SLC35E4: variants seen among roughly 807,000 people sequenced by gnomAD.
The protein encoded by SLC35E4 is solute carrier family 35, member E4.
SLC35E4 carries 15 observed loss-of-function variants against 19.3 expected under a neutral mutation model. The observed-to-expected ratio is 0.78, with a 90% CI of 0.52 to 1.20. The LOEUF (loss-of-function observed/expected upper bound fraction) is 1.20, where lower values mean the gene tolerates loss of function less well. SLC35E4 is among the 50% of genes most tolerant of loss of function. The pLI, the probability that SLC35E4 is intolerant of heterozygous loss-of-function variation, is 0.00. For missense variants in SLC35E4, 406 were observed against 472.3 expected (o/e 0.86, Z 1.30); for synonymous variants, 219 against 219.9 (o/e 1.00, Z 0.04).
intron 2 of SLC35E4, among the ~76,000 whole-genome samples, chr22:30,653,355 A>G (rs560121451): frequency 6.8e-6 from 1 of 147,440 alleles, no homozygotes; most frequent in East Asian, 2.0e-4. Flanking sequence ...CACAACCCTC[A>G]TGTGCCCCCT....
At chr22:30,654,712 C>T (rs2088299095) in intron 2 of SLC35E4, 3 of 359,008 alleles carry the variant, frequency 8.4e-6, no homozygotes, top group South Asian at 2.3e-5. Context: ...GATGCCCCCG[C>T]AGTGTACGAC....
chr22:30,646,904 C>A lies in SLC35E4; in HGVS notation c.926C>A (p.Ala309Asp). The A allele has an allele frequency of 6.2e-7, 1 of 1,614,250 alleles. No individual in the cohort carries two copies. Among genetic ancestry groups the A allele is most frequent in the Non-Finnish European group, 8.5e-7 (1 of 1,180,050 alleles). ...CTGTTGTTTGGCAGCCGCCTCAGTG[C>A]CCTCAGCTACGTGGGCATCGCACTC... Reference protein sequence around the residue: ...SRLLFGSRLSALSYVGIALTL... With the variant: ...SRLLFGSRLSDLSYVGIALTL... The change falls in exon 2 of 2, where the codon GCC becomes GAC. Residue 309 changes from alanine to aspartate, a missense_variant. Physicochemically the swap from Ala to Asp is moderately radical, Grantham distance 126. Coordinates refer to ENST00000343605, the MANE Select transcript of SLC35E4 (RefSeq NM_001001479.4).
rs116962672 is a variant in SLC35E4 at position 30,641,006 on chromosome 22, A to C, written c.619+3937A>C. Among the ~76,000 whole-genome samples, 56 of 152,174 alleles carry C rather than the reference A, an allele frequency of 3.7e-4. No homozygotes were observed. The East Asian group carries it at 5.2e-3, about 14-fold the overall frequency. On this transcript the variant is annotated intron_variant, in intron 1 of 1. Coordinates refer to ENST00000343605, the MANE Select transcript of SLC35E4 (RefSeq NM_001001479.4). ...TCCCTGGCTCCAAGGCAGGGTCAAA[A>C]CCCAGTTCTATTTTTTGCCCTCAGG... is the stretch of plus-strand genomic sequence containing the variant.
downstream of SLC35E4, chr22:30,663,890 CTTG>C (rs768116973): frequency 6.2e-6 from 10 of 1,614,092 alleles, no homozygotes; most frequent in Non-Finnish European, 8.5e-6. Flanking sequence ...ACAGCATGAG[CTTG>C]TTGTTGGCGG....
intron 2 of SLC35E4, among the ~76,000 whole-genome samples, chr22:30,653,356 T>C (rs2088262744): frequency 6.6e-6 from 1 of 151,708 alleles, no homozygotes; most frequent in Non-Finnish European, 1.5e-5. Flanking sequence ...ACAACCCTCA[T>C]GTGCCCCCTT....
At chr22:30,654,911 C>T (rs115736260) in intron 2 of SLC35E4, 6,805 of 166,462 alleles carry the variant, frequency 0.041, 322 homozygotes, top group East Asian at 0.24. Context: ...GCCAGATTTC[C>T]CTGGAACCCT....
intron 2 of SLC35E4, among the ~76,000 whole-genome samples, chr22:30,657,671 G>A (rs5997728): frequency 0.18 from 26,932 of 151,410 alleles, 2,910 homozygotes; most frequent in African/African-American, 0.29. Flanking sequence ...TTGGGAGGCC[G>A]AGTCAGGTGG....
chr22:30,643,138 C>G (rs996032030), intron 1 of SLC35E4, among the ~76,000 whole-genome samples: 1 of 152,090 alleles, frequency 6.6e-6, no homozygotes, highest in Non-Finnish European at 1.5e-5. Context: ...GGAGCCTGCA[C>G]AAGGAGAGGG....
At chr22:30,653,224 C>G (rs2088258643) in intron 2 of SLC35E4, among the ~76,000 whole-genome samples, 1 of 152,184 alleles carries the variant, frequency 6.6e-6, no homozygotes, top group African/African-American at 2.4e-5. Flanking sequence ...CCTGGATGTT[C>G]TGACGTTTCC....
downstream of SLC35E4, chr22:30,665,685 C>T (rs568022085): frequency 5.1e-5 from 18 of 355,506 alleles, no homozygotes; most frequent in South Asian, 2.5e-4. Flanking sequence ...AGTTTTGCTC[C>T]GATCTGTCTG....
downstream of SLC35E4, chr22:30,665,407 C>G (rs2088611873): frequency 2.5e-6 from 1 of 395,136 alleles, no homozygotes; most frequent in Admixed American, 3.0e-5. Context: ...GAGCCACTTA[C>G]AGTTCCTTAG....
downstream of SLC35E4, among the ~76,000 whole-genome samples, chr22:30,651,740 G>C (rs1237033898): frequency 1.3e-5 from 2 of 151,788 alleles, no homozygotes; most frequent in African/African-American, 2.4e-5. Flanking sequence ...GGGCAGAGTG[G>C]GTATCGGTTG....
At chr22:30,643,981 G>C (rs1014534860) in intron 1 of SLC35E4, among the ~76,000 whole-genome samples, 1 of 152,196 alleles carries the variant, frequency 6.6e-6, no homozygotes, top group African/African-American at 2.4e-5. Context: ...GATTGGGTGG[G>C]ATGTACAATA....
At chr22:30,648,671 A>C (rs920037666), downstream of SLC35E4, among the ~76,000 whole-genome samples, 1 of 152,200 alleles carries the variant, frequency 6.6e-6, no homozygotes, top group African/African-American at 2.4e-5. Context: ...CAGAGGTTGC[A>C]GTGAGCCGAG....
At chr22:30,662,599 T>A (rs929005618) in exon 3 of SLC35E4, 3 of 151,834 alleles carry the variant, frequency 2.0e-5, no homozygotes, top group African/African-American at 7.3e-5. Context: ...GGCTGAGGCG[T>A]GAGGATTGCT....
At chr22:30,659,372 T>C (rs2088414128) in intron 2 of SLC35E4, among the ~76,000 whole-genome samples, 1 of 152,098 alleles carries the variant, frequency 6.6e-6, no homozygotes. Context: ...AAAAGACTCT[T>C]TTTTTCTCTC....
chr22:30,649,751 T>G (rs1294278583), downstream of SLC35E4, among the ~76,000 whole-genome samples: 2 of 149,732 alleles, frequency 1.3e-5, no homozygotes, highest in Non-Finnish European at 3.0e-5. Flanking sequence ...CTCAGGACCC[T>G]TTCCCATCCA....
At chr22:30,666,081 G>A (rs2088645810), downstream of SLC35E4, among the ~76,000 whole-genome samples, 1 of 152,180 alleles carries the variant, frequency 6.6e-6, no homozygotes, top group South Asian at 2.1e-4. Context: ...CTACAGAGGT[G>A]ATATGAAGGG....
At chr22:30,643,658 C>G (rs542519001) in intron 1 of SLC35E4, among the ~76,000 whole-genome samples, 2 of 152,228 alleles carry the variant, frequency 1.3e-5, no homozygotes, top group East Asian at 3.9e-4. Flanking sequence ...GTGTTCAGCA[C>G]CTCACATGTG....
Sources: gnomAD v4.1 joint callset for allele counts (sites outside exome capture counted in the v4.1 genomes callset) on GRCh38, gnomAD v4.1.1 for gene constraint, MANE v1.5 for transcripts, NCBI Gene and HGNC (gene_info 2026-07-23, HGNC 2026-07-21) for gene names.